Variants in BMP8B observed in about 807,000 individuals in gnomAD.
BMP8B encodes the protein bone morphogenetic protein 8b.
In BMP8B, 17 loss-of-function variants were observed where a neutral mutation model predicts 30.3. The observed-to-expected ratio is 0.56, with a 90% confidence interval of 0.38 to 0.84. The LOEUF (loss-of-function observed/expected upper bound fraction) is 0.84, where lower values mean the gene tolerates loss of function less well. BMP8B is among the 40% of genes least tolerant of loss of function. BMP8B has a pLI of 0.00. For missense variants in BMP8B, 253 were observed against 494.6 expected (o/e 0.51, Z 4.63); for synonymous variants, 131 against 214.7 (o/e 0.61, Z 3.41).
chr1:39,762,991 C>G, intron 6 of BMP8B, 101 bp downstream of exon 6: 1 of 1,409,848 alleles, frequency 7.1e-7, no homozygotes, highest in South Asian at 1.2e-5. Context: ...CCCTGAGACG[C>G]GGAGCAGGTG....
At chr1:39,770,494 G>C in intron 3 of BMP8B, 1 of 1,610,280 alleles carries the variant, frequency 6.2e-7, no homozygotes, top group Non-Finnish European at 8.5e-7. Flanking sequence ...CTTCTGGGGG[G>C]AAAGCCCCCA....
At chr1:39,763,495 T>C (rs972928609) in intron 5 of BMP8B, among the ~76,000 whole-genome samples, 3 of 145,302 alleles carry the variant, frequency 2.1e-5, no homozygotes, top group Admixed American at 2.0e-4. Context: ...AGTTGGTTGA[T>C]TCAGTCTTCA....
intron 1 of BMP8B, among the ~76,000 whole-genome samples, chr1:39,775,551 G>A (rs1370313546): frequency 6.6e-5 from 10 of 152,212 alleles, no homozygotes; most frequent in Admixed American, 5.9e-4. Context: ...TGCGGCAGGG[G>A]AGGGCTCAGG....
At chr1:39,767,308 C>G (rs889241415) in intron 3 of BMP8B, among the ~76,000 whole-genome samples, 2 of 151,632 alleles carry the variant, frequency 1.3e-5, no homozygotes, top group African/African-American at 2.4e-5. Context: ...AGCAACTGTC[C>G]AAGGTCCCAG....
In BMP8B at chr1:39,788,212, C is replaced by T. The variant is rs769660218; in HGVS notation, c.274G>A (p.Gly92Ser). The T allele has an allele frequency of 4.5e-6, 7 of 1,572,098 alleles. No homozygotes were observed. The highest frequency in any genetic ancestry group is 5.1e-6 in the Non-Finnish European group (6 of 1,168,744). Residue 92 changes from glycine (G) to serine (S), a missense_variant, in exon 1 of 7, where the codon GGC (glycine) becomes AGC (serine). Coordinates refer to ENST00000372827, the MANE Select transcript of BMP8B (RefSeq NM_001720.5). This position sits in a 1 kb window ranked among gnomAD's most constrained non-coding sequence, Gnocchi z 5.8. ...CCCAGGCGCCGCTCCGCGGGCGCGC[C>T]GTCCTCGTCGTCGTCGCCGGCCATG... ...HAMAGDDDED[G>S]APAERRLGRA...
At chr1:39,785,619 C>T (rs113053040) in intron 1 of BMP8B, among the ~76,000 whole-genome samples, 12,208 of 152,164 alleles carry the variant, frequency 0.08, 675 homozygotes, top group Middle Eastern at 0.15. Flanking sequence ...GAGGTGGAGC[C>T]GGCAGGAGCA....
At position 39,767,246 on chromosome 1, in the gene BMP8B, C is replaced by T. The variant is rs553157173; in HGVS notation, c.674-2429G>A. 9.8e-4 allele frequency among the ~76,000 whole-genome samples: 149 copies of T among 152,242 alleles called. 3 individuals are homozygous for T. The highest frequency in any genetic ancestry group is 1.9e-3 in the Non-Finnish European group (127 of 67,976). On this transcript the variant is annotated intron_variant, in intron 3 of 6. Transcript: ENST00000372827. ...CCTGACTAGGGAACCTTGGAAGCAG[C>T]TAATCCCAGGTTCCCATTTTACAGA...
chr1:39,770,590 G>A (rs1267608105), intron 3 of BMP8B: 1 of 1,599,910 alleles, frequency 6.3e-7, no homozygotes, highest in African/African-American at 1.4e-5. Context: ...TTCTCCTGAA[G>A]ACCACGTTTC....
At chr1:39,781,332 T>A (rs1650621579) in intron 1 of BMP8B, among the ~76,000 whole-genome samples, 1 of 152,194 alleles carries the variant, frequency 6.6e-6, no homozygotes, top group Non-Finnish European at 1.5e-5. Flanking sequence ...AGCCAGCAGT[T>A]AAAGGAAATC....
chr1:39,780,901 G>A (rs1359425071), intron 1 of BMP8B, among the ~76,000 whole-genome samples: 3 of 152,144 alleles, frequency 2.0e-5, no homozygotes, highest in Admixed American at 6.5e-5. Context: ...ATCTCCAGCC[G>A]GGAGCCATGC....
At chr1:39,778,620 C>T (rs1650400594) in intron 1 of BMP8B, among the ~76,000 whole-genome samples, 1 of 152,124 alleles carries the variant, frequency 6.6e-6, no homozygotes, top group Admixed American at 6.5e-5. Flanking sequence ...GTGCTGCTCT[C>T]ATAATTACCG....
intron 3 of BMP8B, among the ~76,000 whole-genome samples, chr1:39,766,808 G>C (rs1380369950): frequency 6.7e-6 from 1 of 150,274 alleles, no homozygotes; most frequent in Non-Finnish European, 1.5e-5. Flanking sequence ...AAGGAACAGA[G>C]CTGGGGCACA....
chr1:39,779,757 G>A (rs112579841), intron 1 of BMP8B, among the ~76,000 whole-genome samples: 2,515 of 152,322 alleles, frequency 0.017, 72 homozygotes, highest in African/African-American at 0.057. Context: ...CTGGGCACAC[G>A]TGGTACGTCC....
intron 3 of BMP8B, among the ~76,000 whole-genome samples, chr1:39,772,809 G>A (rs200531927): frequency 0.067 from 9,891 of 146,788 alleles, 16 homozygotes; most frequent in East Asian, 0.26. Context: ...GCCCCCACAC[G>A]TCTCTCTGAC....
intron 1 of BMP8B, among the ~76,000 whole-genome samples, chr1:39,786,049 C>G (rs1650963716): frequency 6.6e-6 from 1 of 152,198 alleles, no homozygotes; most frequent in African/African-American, 2.4e-5. Flanking sequence ...TTGAAATCCA[C>G]AGCCGTGGAT....
At chr1:39,769,624 T>C in intron 3 of BMP8B, 1 of 1,445,682 alleles carries the variant, frequency 6.9e-7, no homozygotes, top group South Asian at 1.5e-5. Flanking sequence ...CTCCCAGAGC[T>C]GGGGACATGT....
At chr1:39,761,664 C>A (rs1649000605) in intron 6 of BMP8B, among the ~76,000 whole-genome samples, 2 of 152,186 alleles carry the variant, frequency 1.3e-5, no homozygotes, top group Non-Finnish European at 2.9e-5. Context: ...GGCCCTGAAC[C>A]TGCCAAGCTC....
intron 3 of BMP8B, among the ~76,000 whole-genome samples, chr1:39,767,002 C>T (rs557269692): frequency 2.0e-3 from 306 of 152,368 alleles, no homozygotes; most frequent in African/African-American, 6.8e-3. Context: ...CCCTGGGGAG[C>T]CCTGCCTGCC....
At chr1:39,762,590 G>T in intron 6 of BMP8B, 1 of 1,550,268 alleles carries the variant, frequency 6.5e-7, no homozygotes, top group South Asian at 1.2e-5. Flanking sequence ...AGAAACTGGG[G>T]GAAAAGCCAA....
Sources: allele counts gnomAD v4.1 joint callset (sites outside exome capture counted in the v4.1 genomes callset), GRCh38; gene constraint gnomAD v4.1.1; non-coding constraint Gnocchi (gnomAD v3.1); transcripts MANE v1.5; gene names NCBI Gene and HGNC (gene_info 2026-07-23, HGNC 2026-07-21).